RABGEF1: variants seen among roughly 807,000 people sequenced by gnomAD.
The protein encoded by RABGEF1 is rab5 GDP/GTP exchange factor.
A neutral mutation model predicts 57.3 loss-of-function variants in RABGEF1; 26 were observed. The observed-to-expected ratio is 0.45, with a 90% CI of 0.33 to 0.63. RABGEF1 has a LOEUF of 0.63. Ranked by LOEUF, RABGEF1 falls within the 20% of genes least tolerant of loss-of-function variation. The pLI is 0.02. For missense variants in RABGEF1, 464 were observed against 607.6 expected (o/e 0.76, Z 2.48); for synonymous variants, 185 against 210.7 (o/e 0.88, Z 1.06).
At chr7:66,744,833 A>G (rs1799832393) in intron 1 of RABGEF1, among the ~76,000 whole-genome samples, 1 of 152,148 alleles carries the variant, frequency 6.6e-6, no homozygotes, top group African/African-American at 2.4e-5. Context: ...TTTAATGAGT[A>G]CTTAACTGAT....
the RABGEF1 span, among the ~76,000 whole-genome samples, chr7:66,656,701 T>C: frequency 6.6e-6 from 1 of 151,434 alleles, no homozygotes; most frequent in South Asian, 2.1e-4. Context: ...CTGCTTGTAA[T>C]CCCAGTTACT....
In RABGEF1 at chr7:66,791,505, T is replaced by C. The variant is rs527689801; in HGVS notation, c.514-4006T>C. On this transcript the variant is annotated intron_variant, in intron 4 of 8. Transcript: ENST00000284957. Reference sequence around the variant, plus strand: ...TTGGTAATACAAAAAAATATGGACATGAAAGCTAATACCTAAATAGATTAA... The same window carrying C: ...TTGGTAATACAAAAAAATATGGACACGAAAGCTAATACCTAAATAGATTAA... Among the ~76,000 whole-genome samples the C allele has an allele frequency of 1.5e-3, 233 of 152,282 alleles. 1 individual carries two copies. In the Middle Eastern group the frequency reaches 0.02, roughly 13 times the overall value.
intron 2 of RABGEF1, among the ~76,000 whole-genome samples, chr7:66,734,046 G>C (rs1461338486): frequency 6.6e-6 from 1 of 152,194 alleles, no homozygotes; most frequent in Non-Finnish European, 1.5e-5. Flanking sequence ...GCAGTCATCA[G>C]CCTGGTTTCC....
chr7:66,698,563 T>TG (rs1792713831), intron 1 of RABGEF1, among the ~76,000 whole-genome samples: 1 of 152,182 alleles, frequency 6.6e-6, no homozygotes, highest in Non-Finnish European at 1.5e-5. Context: ...GCAGGGTCTC[T>TG]GGGCAGGGAG....
intron 3 of RABGEF1, among the ~76,000 whole-genome samples, chr7:66,777,689 A>C (rs2129128665): frequency 6.6e-6 from 1 of 152,260 alleles, no homozygotes; most frequent in East Asian, 1.9e-4. Flanking sequence ...GCTACTTGGA[A>C]GACTAAGGTA....
chr7:66,750,735 ACAGGTCCAAC>A (rs1469913811), intron 1 of RABGEF1, among the ~76,000 whole-genome samples: 1 of 152,268 alleles, frequency 6.6e-6, no homozygotes, highest in Non-Finnish European at 1.5e-5. Flanking sequence ...CAGTTGGACT[ACAGGTCCAAC>A]CAGTTCCAGC....
At chr7:66,729,756 G>A (rs2117630168) in intron 2 of RABGEF1, among the ~76,000 whole-genome samples, 1 of 152,306 alleles carries the variant, frequency 6.6e-6, no homozygotes, top group Middle Eastern at 3.4e-3. Context: ...GGACGGAGAG[G>A]TGACCCTAGA....
At chr7:66,734,320 T>C (rs1406461978) in intron 2 of RABGEF1, among the ~76,000 whole-genome samples, 1 of 152,078 alleles carries the variant, frequency 6.6e-6, no homozygotes, top group Non-Finnish European at 1.5e-5. Flanking sequence ...GAGCATAGGA[T>C]GGTGTGGGCT....
chr7:66,719,091 C>T (rs1795716561), intron 2 of RABGEF1, among the ~76,000 whole-genome samples: 1 of 152,214 alleles, frequency 6.6e-6, no homozygotes, highest in African/African-American at 2.4e-5. Context: ...GGTGGTTACC[C>T]AACTGCTTTT....
At chr7:66,746,524 C>A (rs1051028192) in intron 1 of RABGEF1, among the ~76,000 whole-genome samples, 1 of 151,254 alleles carries the variant, frequency 6.6e-6, no homozygotes, top group African/African-American at 2.4e-5. Context: ...CTCCTGACCT[C>A]GTGATCCACC....
At chr7:66,743,752 C>T (rs1457257068) in intron 1 of RABGEF1, among the ~76,000 whole-genome samples, 8 of 152,138 alleles carry the variant, frequency 5.3e-5, no homozygotes, top group Admixed American at 6.6e-5. Context: ...CCGCCCTCCT[C>T]GGCATTCCAA....
the RABGEF1 span, among the ~76,000 whole-genome samples, chr7:66,664,432 T>G: frequency 6.6e-6 from 1 of 151,670 alleles, no homozygotes; most frequent in East Asian, 1.9e-4. Context: ...TTTTTTGTTT[T>G]TTTTTTTTTA....
chr7:66,797,563 TG>T (rs1562874450), intron 6 of RABGEF1, 57 bp downstream of exon 6: 2 of 1,557,522 alleles, frequency 1.3e-6, no homozygotes, highest in Non-Finnish European at 1.7e-6. Flanking sequence ...AAGAACACAC[TG>T]GGGGGAAAAT....
intron 1 of RABGEF1, among the ~76,000 whole-genome samples, chr7:66,685,297 G>A (rs1181819629): frequency 1.3e-5 from 2 of 151,780 alleles, no homozygotes; most frequent in Admixed American, 6.6e-5. Flanking sequence ...GGGAATATAG[G>A]CACTCGCCAC....
intron 4 of RABGEF1, among the ~76,000 whole-genome samples, chr7:66,792,005 G>C (rs772618956): frequency 6.6e-6 from 1 of 151,912 alleles, no homozygotes; most frequent in Non-Finnish European, 1.5e-5. Context: ...CCAGCTACTC[G>C]GGAGGCTGAG....
chr7:66,723,341 T>C (rs1163699235), intron 2 of RABGEF1, among the ~76,000 whole-genome samples: 2 of 152,178 alleles, frequency 1.3e-5, no homozygotes, highest in East Asian at 3.9e-4. Flanking sequence ...CTTTGACCCA[T>C]TAGCTATTTG....
upstream of RABGEF1, among the ~76,000 whole-genome samples, chr7:66,736,486 G>T (rs968046521): frequency 2.6e-5 from 4 of 152,158 alleles, no homozygotes; most frequent in African/African-American, 9.7e-5. Context: ...GTGAGCAAGA[G>T]CACTAAGACA....
upstream of RABGEF1, among the ~76,000 whole-genome samples, chr7:66,736,752 T>C (rs1473413631): frequency 6.6e-6 from 1 of 151,994 alleles, no homozygotes; most frequent in East Asian, 1.9e-4. Flanking sequence ...TCCCAGCTAC[T>C]CAGGAAGCTG....
At chr7:66,679,664 C>T (rs1319512935), upstream of RABGEF1, among the ~76,000 whole-genome samples, 1 of 152,032 alleles carries the variant, frequency 6.6e-6, no homozygotes, top group South Asian at 2.1e-4. Context: ...GAAATGATAC[C>T]CACTTTTTGT....
Sources: allele counts gnomAD v4.1 joint callset (sites outside exome capture counted in the v4.1 genomes callset), GRCh38; gene constraint gnomAD v4.1.1; transcripts MANE v1.5; gene names NCBI Gene and HGNC (gene_info 2026-07-23, HGNC 2026-07-21).